Variants in KPNA1 observed in about 807,000 individuals in gnomAD.
The protein encoded by KPNA1 is importin subunit alpha-5.
KPNA1 carries 10 observed loss-of-function variants against 70.5 expected under a neutral mutation model. The ratio of observed to expected loss-of-function variants is 0.14; its 90% confidence interval spans 0.09 to 0.24. KPNA1 has a LOEUF of 0.24. KPNA1 is among the 10% of genes least tolerant of loss of function. The pLI, the probability that KPNA1 is intolerant of heterozygous loss-of-function variation, is 1.00. For synonymous variants in KPNA1, 192 were observed against 221.9 expected, an observed-to-expected ratio of 0.87 and a Z score of 1.20; for missense variants, 397 against 637.9, an observed-to-expected ratio of 0.62 and a Z score of 4.07.
intron 1 of KPNA1, among the ~76,000 whole-genome samples, chr3:122,501,206 T>G (rs1056911284): frequency 2.0e-5 from 3 of 151,832 alleles, no homozygotes; most frequent in African/African-American, 7.3e-5. Flanking sequence ...TTTTTGTATT[T>G]TTAGTAGAGT....
chr3:122,431,218 G>C (rs2075901436), intron 12 of KPNA1, among the ~76,000 whole-genome samples: 1 of 152,156 alleles, frequency 6.6e-6, no homozygotes, highest in African/African-American at 2.4e-5. Context: ...GTGGAGTGCA[G>C]TGGCACGATC....
chr3:122,473,713 A>T (rs1390222619), intron 2 of KPNA1, among the ~76,000 whole-genome samples: 2 of 152,168 alleles, frequency 1.3e-5, no homozygotes, highest in African/African-American at 2.4e-5. Context: ...TCAACTTGAC[A>T]AGGAATATCC....
intron 9 of KPNA1, among the ~76,000 whole-genome samples, chr3:122,447,578 C>G (rs2076153872): frequency 6.6e-6 from 1 of 152,150 alleles, no homozygotes; most frequent in African/African-American, 2.4e-5. Flanking sequence ...ACTGAATGGG[C>G]AAAAACTGGA....
chr3:122,450,915 G>A (rs1300108004), intron 8 of KPNA1, among the ~76,000 whole-genome samples: 2 of 152,194 alleles, frequency 1.3e-5, no homozygotes, highest in Non-Finnish European at 2.9e-5. Context: ...AACATCAGAT[G>A]TTCTCATTCA....
chr3:122,495,361 G>A (rs945701057), intron 2 of KPNA1, among the ~76,000 whole-genome samples: 4 of 148,848 alleles, frequency 2.7e-5, no homozygotes. Flanking sequence ...AAATAAATAA[G>A]AGAAAATTAA....
At chr3:122,469,045 G>C (rs1224254678) in intron 2 of KPNA1, among the ~76,000 whole-genome samples, 1 of 152,160 alleles carries the variant, frequency 6.6e-6, no homozygotes, top group African/African-American at 2.4e-5. Context: ...TAATGACTGA[G>C]AATTTCCCCC....
In KPNA1 at chr3:122,503,884, T is replaced by C. The variant is rs79153099; in HGVS notation, c.-5-7314A>G. On this transcript the variant is annotated intron_variant, in intron 1 of 13. Coordinates refer to ENST00000344337, the MANE Select transcript of KPNA1 (RefSeq NM_002264.4). ...CGGGTATGATTCCAATTATATGACA[T>C]TCTGGAAGAGGTAAAACCAGAAACA... Among the ~76,000 whole-genome samples the C allele has an allele frequency of 7.9e-3, 1,207 of 152,250 alleles. 8 individuals carry two copies. Among genetic ancestry groups the C allele is most frequent in the Non-Finnish European group, 0.013 (877 of 68,014 alleles).
Position 122,496,557 on chromosome 3 carries a change from G to A in KPNA1, c.9C>T (p.Thr3=), listed in dbSNP as rs2076763838. MT[T]PGKENFRLKS... ...TCAGGCGAAAGTTCTCTTTTCCTGG[G>A]GTGGTCATGATTTCTACAATACAAG... Residue 3 remains threonine (T), a synonymous_variant, in exon 2 of 14, where the codon ACC becomes ACT. Coordinates refer to ENST00000344337, the MANE Select transcript of KPNA1 (RefSeq NM_002264.4). 6.2e-7 allele frequency: 1 copy of A among 1,613,506 alleles called. No homozygotes were observed. Among genetic ancestry groups the A allele is most frequent in the Non-Finnish European group, 8.5e-7 (1 of 1,179,738 alleles).
At chr3:122,432,159 TATAAATGTG>T (rs1164527758) in intron 12 of KPNA1, among the ~76,000 whole-genome samples, 1 of 152,240 alleles carries the variant, frequency 6.6e-6, no homozygotes, top group African/African-American at 2.4e-5. Context: ...AATTAATAAC[TATAAATGTG>T]AATTTGAACA....
At chr3:122,463,265 G>A (rs987482156) in intron 4 of KPNA1, among the ~76,000 whole-genome samples, 5 of 151,904 alleles carry the variant, frequency 3.3e-5, no homozygotes, top group East Asian at 1.9e-4. Flanking sequence ...GGAGAATGGC[G>A]TGAACCCGGG....
chr3:122,490,750 T>G, intron 2 of KPNA1, among the ~76,000 whole-genome samples: 1 of 152,238 alleles, frequency 6.6e-6, no homozygotes, highest in East Asian at 1.9e-4. Flanking sequence ...TTTCTAGGCC[T>G]TCTCAGGACA....
chr3:122,514,203 G>A (rs958550218), intron 1 of KPNA1, among the ~76,000 whole-genome samples: 1 of 151,968 alleles, frequency 6.6e-6, no homozygotes, highest in Non-Finnish European at 1.5e-5. Context: ...AACTGCAGCC[G>A]GCCGTCTCCA....
At chr3:122,510,635 A>G (rs1318873384) in intron 1 of KPNA1, among the ~76,000 whole-genome samples, 1 of 152,206 alleles carries the variant, frequency 6.6e-6, no homozygotes, top group Non-Finnish European at 1.5e-5. Context: ...AGGTGAATAT[A>G]TATGTGAAAC....
intron 2 of KPNA1, among the ~76,000 whole-genome samples, chr3:122,494,868 G>A (rs2076739654): frequency 6.6e-6 from 1 of 151,964 alleles, no homozygotes; most frequent in African/African-American, 2.4e-5. Flanking sequence ...CTAGACTGGT[G>A]GTTATATTCA....
intron 5 of KPNA1, chr3:122,460,322 T>C: frequency 2.0e-6 from 2 of 985,088 alleles, no homozygotes; most frequent in Non-Finnish European, 2.4e-6. Context: ...AGCTGACTGT[T>C]GGTTTCTTTT....
At chr3:122,489,782 G>T (rs142319733) in intron 2 of KPNA1, among the ~76,000 whole-genome samples, 1 of 151,940 alleles carries the variant, frequency 6.6e-6, no homozygotes, top group Non-Finnish European at 1.5e-5. Flanking sequence ...ATTTTACCTC[G>T]TGTACTGGAT....
At chr3:122,470,088 A>G (rs2076424105) in intron 2 of KPNA1, among the ~76,000 whole-genome samples, 1 of 152,254 alleles carries the variant, frequency 6.6e-6, no homozygotes, top group Non-Finnish European at 1.5e-5. Flanking sequence ...CAAAGAATGA[A>G]TAAGTGAATG....
intron 2 of KPNA1, among the ~76,000 whole-genome samples, chr3:122,485,311 T>C (rs1301010852): frequency 6.6e-6 from 1 of 152,148 alleles, no homozygotes; most frequent in African/African-American, 2.4e-5. Context: ...GTATTTAAGC[T>C]AGATAAATAG....
rs140503358 is a variant in KPNA1, at chr3:122,428,339, C to G, written c.1251-623G>C. On this transcript the variant is annotated intron_variant, in intron 12 of 13. Transcript: ENST00000344337. The stretch of plus-strand genomic sequence containing the variant: ...TCATTCTGGTTTCTCAAGTTGAGTA[C>G]AGAGAGGCAGGGATAATGAATCCAG... Among the ~76,000 whole-genome samples the G allele has an allele frequency of 3.0e-3, 455 of 152,250 alleles. 1 individual carries two copies. In the East Asian group the frequency reaches 0.033, roughly 11 times the overall value.
Sources: allele counts gnomAD v4.1 joint callset (sites outside exome capture counted in the v4.1 genomes callset), GRCh38; gene constraint gnomAD v4.1.1; transcripts MANE v1.5; gene names NCBI Gene and HGNC (gene_info 2026-07-23, HGNC 2026-07-21).